RAVER2: variants seen among roughly 807,000 people sequenced by gnomAD.
RAVER2 encodes the protein ribonucleoprotein PTB-binding 2.
In RAVER2, 46 loss-of-function variants were observed where a neutral mutation model predicts 78.1. That is an observed-to-expected ratio of 0.59 (90% CI 0.46 to 0.75). RAVER2 has a LOEUF of 0.75. Among genes scored for constraint, RAVER2 ranks in the 30% least tolerant of loss-of-function variants. The pLI, the probability that RAVER2 is intolerant of heterozygous loss-of-function variation, is 0.00. For missense variants in RAVER2, 793 were observed against 837.5 expected (o/e 0.95, Z 0.66); for synonymous variants, 311 against 313.3 (o/e 0.99, Z 0.08).
chr1:64,770,922 C>T (rs535838490), intron 2 of RAVER2, among the ~76,000 whole-genome samples: 30 of 151,780 alleles, frequency 2.0e-4, no homozygotes, highest in South Asian at 1.0e-3. Flanking sequence ...AAAACATGAA[C>T]AGAGTATCAG....
At chr1:64,781,613 A>C in intron 4 of RAVER2, 42 bp downstream of exon 4, 1 of 1,559,526 alleles carries the variant, frequency 6.4e-7, no homozygotes, top group South Asian at 1.2e-5. Context: ...AGAGTATAGA[A>C]AATTCTAATA....
chr1:64,794,192 C>A (rs767193834), intron 5 of RAVER2, among the ~76,000 whole-genome samples: 1 of 151,794 alleles, frequency 6.6e-6, no homozygotes, highest in African/African-American at 2.4e-5. Context: ...GAGCGGATCA[C>A]GAGGTCAAGA....
intron 5 of RAVER2, among the ~76,000 whole-genome samples, chr1:64,798,595 A>G (rs934456471): frequency 3.3e-5 from 5 of 152,214 alleles, no homozygotes; most frequent in Admixed American, 1.3e-4. Flanking sequence ...TGTGGTTTCC[A>G]TAATAGTTTT....
chr1:64,826,109 A>C (rs1022123967), intron 11 of RAVER2, among the ~76,000 whole-genome samples: 1 of 152,224 alleles, frequency 6.6e-6, no homozygotes, highest in Non-Finnish European at 1.5e-5. Context: ...GATGCTTAGA[A>C]AATATTTTTT....
intron 1 of RAVER2, among the ~76,000 whole-genome samples, chr1:64,751,978 G>C (rs1651710906): frequency 6.6e-6 from 1 of 152,162 alleles, no homozygotes. Flanking sequence ...TGAACTGAGA[G>C]GGGTAATAAG....
intron 2 of RAVER2, among the ~76,000 whole-genome samples, chr1:64,773,630 G>A (rs1397400937): frequency 6.6e-6 from 1 of 152,116 alleles, no homozygotes; most frequent in Non-Finnish European, 1.5e-5. Flanking sequence ...AAATAGTGCT[G>A]CAATAAACAT....
chr1:64,804,922 T>C, intron 7 of RAVER2, 69 bp from the exon 8 acceptor site: 1 of 1,539,278 alleles, frequency 6.5e-7, no homozygotes, highest in Non-Finnish European at 8.9e-7. Context: ...TTATGAATTT[T>C]CACGTGTGTA....
chr1:64,788,671 A>C (rs1418375396), intron 4 of RAVER2, among the ~76,000 whole-genome samples: 1 of 150,986 alleles, frequency 6.6e-6, no homozygotes, highest in Non-Finnish European at 1.5e-5. Flanking sequence ...GGGTGCCTAT[A>C]GTCCCAGCTG....
chr1:64,762,283 T>C (rs956660975), intron 1 of RAVER2, among the ~76,000 whole-genome samples: 7 of 152,018 alleles, frequency 4.6e-5, no homozygotes, highest in African/African-American at 1.7e-4. Flanking sequence ...CCTAAATAAA[T>C]GGAAGAACAT....
chr1:64,815,844 G>A (rs1216209785), intron 11 of RAVER2: 1 of 152,200 alleles, frequency 6.6e-6, no homozygotes, highest in Non-Finnish European at 1.5e-5. Context: ...AATATGGGTT[G>A]GGTAGATGAT....
At chr1:64,812,232 C>T (rs373952254) in intron 9 of RAVER2, among the ~76,000 whole-genome samples, 4 of 151,804 alleles carry the variant, frequency 2.6e-5, no homozygotes, top group East Asian at 3.9e-4. Context: ...CATGGAGGTG[C>T]GGGCCTGTAA....
intron 11 of RAVER2, among the ~76,000 whole-genome samples, chr1:64,826,280 C>T (rs1361740632): frequency 1.3e-5 from 2 of 152,098 alleles, no homozygotes; most frequent in African/African-American, 2.4e-5. Context: ...GAATAGTGAT[C>T]GCTGCAGAGA....
At chr1:64,821,756 C>T (rs1048950018) in intron 11 of RAVER2, among the ~76,000 whole-genome samples, 2 of 152,102 alleles carry the variant, frequency 1.3e-5, no homozygotes, top group African/African-American at 4.8e-5. Flanking sequence ...ACACCATATA[C>T]AAAAATCAAC....
intron 2 of RAVER2, among the ~76,000 whole-genome samples, chr1:64,776,044 A>G (rs1012459392): frequency 1.3e-5 from 2 of 151,324 alleles, no homozygotes; most frequent in Non-Finnish European, 2.9e-5. Flanking sequence ...AAAAGGAAAG[A>G]AAGTTAAGAA....
intron 11 of RAVER2, among the ~76,000 whole-genome samples, chr1:64,818,073 CTG>C (rs1381136507): frequency 3.9e-5 from 6 of 152,142 alleles, no homozygotes; most frequent in African/African-American, 1.2e-4. Context: ...CTCAGAGAAA[CTG>C]TGTAGGCTGC....
chr1:64,795,959 C>T (rs947875774), intron 5 of RAVER2, among the ~76,000 whole-genome samples: 3 of 151,710 alleles, frequency 2.0e-5, no homozygotes, highest in South Asian at 2.1e-4. Flanking sequence ...TATTAAGCTG[C>T]GGAATTTACC....
At chr1:64,768,793 C>A in intron 2 of RAVER2, 71 bp downstream of exon 2, 1 of 988,224 alleles carries the variant, frequency 1.0e-6, no homozygotes. Context: ...CAAAAAAGCT[C>A]AGTGTCTTTT....
chr1:64,805,718 T>G (rs2100875652), intron 8 of RAVER2, among the ~76,000 whole-genome samples: 1 of 152,216 alleles, frequency 6.6e-6, no homozygotes, highest in Middle Eastern at 3.4e-3. Flanking sequence ...GCATGCTGAG[T>G]AAAAACAGAA....
chr1:64,777,740 G>A (rs981493489), exon 3 of RAVER2: 2 of 1,613,828 alleles, frequency 1.2e-6, no homozygotes, highest in African/African-American at 1.3e-5. Flanking sequence ...GCTTTGTTGT[G>A]TATTACCAAC....
Sources: allele counts gnomAD v4.1 joint callset (sites outside exome capture counted in the v4.1 genomes callset), GRCh38; gene constraint gnomAD v4.1.1; transcripts MANE v1.5; gene names NCBI Gene and HGNC (gene_info 2026-07-23, HGNC 2026-07-21).